Variants in KDM5B observed in about 807,000 individuals in gnomAD.
The protein encoded by KDM5B is lysine demethylase 5B, also known as lysine-specific demethylase 5B.
In KDM5B, 144 loss-of-function variants were observed where a neutral mutation model predicts 193.4. The ratio of observed to expected loss-of-function variants is 0.74; its 90% confidence interval spans 0.65 to 0.86. KDM5B has a LOEUF of 0.86. Ranked by LOEUF, KDM5B falls within the 40% of genes least tolerant of loss-of-function variation. KDM5B has a pLI of 0.00. For missense variants in KDM5B, 1,833 were observed against 1,886.9 expected, an observed-to-expected ratio of 0.97 and a Z score of 0.53; for synonymous variants, 668 against 682.6, an observed-to-expected ratio of 0.98 and a Z score of 0.33.
intron 10 of KDM5B, among the ~76,000 whole-genome samples, chr1:202,755,865 G>A (rs1655988156): frequency 6.6e-6 from 1 of 151,452 alleles, no homozygotes; most frequent in African/African-American, 2.4e-5. Context: ...CCTATTTCTT[G>A]TTTTAGTTAG....
intron 9 of KDM5B, 71 bp from the exon 10 acceptor site, chr1:202,756,587 G>T: frequency 2.5e-6 from 3 of 1,213,882 alleles, no homozygotes; most frequent in Non-Finnish European, 2.2e-6. Context: ...CTCAGTGATG[G>T]GAATCAAAGA....
At chr1:202,736,608 T>G (rs1310839389) in intron 20 of KDM5B, among the ~76,000 whole-genome samples, 1 of 151,972 alleles carries the variant, frequency 6.6e-6, no homozygotes, top group Non-Finnish European at 1.5e-5. Context: ...AGAACCTAGT[T>G]TGGGTCTTTT....
Position 202,804,959 on chromosome 1 carries a change from T to C in KDM5B, c.204+3143A>G, listed in dbSNP as rs561944407. 2.6e-5 allele frequency among the ~76,000 whole-genome samples: 4 copies of C among 151,906 alleles called. No individual in the cohort carries two copies. In the South Asian group the frequency reaches 8.3e-4, roughly 32 times the overall value. The stretch of plus-strand genomic sequence containing the variant: ...AAATAAGTTACTAAAGCCATAAATA[T>C]ATTCCTATCAAAATTTGGGAGACAA... On this transcript the variant is annotated intron_variant, in intron 1 of 26. Transcript: ENST00000367265.
rs572136607 is a variant in KDM5B, at chr1:202,744,235, A to G, written c.2324-1430T>C. ...ACAATCATATGAAAAAAAGCTCAAC[A>G]TCACTGATCATTAGAGAAATGCAAA... On this transcript the variant is annotated intron_variant, in intron 16 of 26. Transcript: ENST00000367265. Among the ~76,000 whole-genome samples the G allele has an allele frequency of 1.8e-3, 278 of 152,340 alleles. 2 individuals are homozygous for G. The highest frequency in any genetic ancestry group is 6.3e-3 in the African/African-American group (261 of 41,588).
intron 23 of KDM5B, among the ~76,000 whole-genome samples, chr1:202,732,751 G>A (rs951335350): frequency 2.6e-5 from 4 of 151,982 alleles, no homozygotes; most frequent in African/African-American, 9.7e-5. Context: ...AAAACCATCA[G>A]ATTAACCTCA....
In KDM5B at chr1:202,750,749, C is replaced by G. The variant is rs764571613; in HGVS notation, c.1731G>C (p.Glu577Asp). Reference protein sequence around the residue: ...PVYRTNQCAGEFVITFPRAYH... With the variant: ...PVYRTNQCAGDFVITFPRAYH... ...AGGCTCTTGGAAATGTAATCACAAA[C>G]TCCCCAGCACACTGATTAGTTCGGT... Residue 577 changes from glutamate (E) to aspartate (D), a missense_variant, in exon 13 of 27, where the codon GAG becomes GAC. By Grantham distance (45) the Glu-to-Asp change is conservative. Coordinates refer to ENST00000367265, the MANE Select transcript of KDM5B (RefSeq NM_006618.5). 2 of 1,614,012 alleles carry G rather than the reference C, an allele frequency of 1.2e-6. No individual in the cohort carries two copies. Among genetic ancestry groups the G allele is most frequent in the Non-Finnish European group, 1.7e-6 (2 of 1,179,912 alleles).
chr1:202,754,015 T>C (rs533684802), intron 11 of KDM5B, among the ~76,000 whole-genome samples: 1 of 152,236 alleles, frequency 6.6e-6, no homozygotes, highest in Non-Finnish European at 1.5e-5. Flanking sequence ...TCAGGATATG[T>C]TGTTATCACA....
chr1:202,787,669 C>T (rs866547060), intron 1 of KDM5B, among the ~76,000 whole-genome samples: 1 of 151,836 alleles, frequency 6.6e-6, no homozygotes, highest in Non-Finnish European at 1.5e-5. Flanking sequence ...AGGCGGATCA[C>T]GAGGTCAGTT....
rs1360545684 is a variant in KDM5B, at chr1:202,736,385, C to T, written c.3092G>A (p.Gly1031Glu). The part of the protein sequence containing the change: ...LQDVEGLQAG[G>E]RVPVLDTLIE... ...GAGTGTGTCTAACACTGGCACACGT[C>T]CTCCAGCCTAATAAGTCAAGAAAAA... is the stretch of plus-strand genomic sequence containing the variant. The change falls in exon 21 of 27, where the codon GGA (glycine) becomes GAA (glutamate). Residue 1031 changes from glycine to glutamate, a missense_variant. By Grantham distance (98) the Gly-to-Glu change is moderately conservative. This residue lies in a region of KDM5B where 1,379 missense variants were observed against 1,349.6 expected (regional missense o/e 1.02). Coordinates refer to ENST00000367265, the MANE Select transcript of KDM5B (RefSeq NM_006618.5). 1 of 1,557,296 alleles carries T rather than the reference C, an allele frequency of 6.4e-7. No individual in the cohort carries two copies. The highest frequency in any genetic ancestry group is 1.4e-5 in the African/African-American group (1 of 73,080).
At chr1:202,767,198 A>C (rs1211393093) in intron 4 of KDM5B, 138 bp from the exon 5 acceptor site, 1 of 1,552,212 alleles carries the variant, frequency 6.4e-7, no homozygotes, top group East Asian at 2.2e-5. Flanking sequence ...AATACTCTTC[A>C]TATCTGTTAA....
chr1:202,791,637 C>G (rs772273976), intron 1 of KDM5B, among the ~76,000 whole-genome samples: 1 of 152,172 alleles, frequency 6.6e-6, no homozygotes, highest in Non-Finnish European at 1.5e-5. Flanking sequence ...CCTTTAACCA[C>G]TCGGTACATA....
At chr1:202,782,092 G>A (rs1657221206) in intron 1 of KDM5B, among the ~76,000 whole-genome samples, 1 of 152,074 alleles carries the variant, frequency 6.6e-6, no homozygotes, top group African/African-American at 2.4e-5. Context: ...TGTCAATAAG[G>A]ATGCTCATAC....
At chr1:202,769,576 G>A (rs1344854174) in intron 4 of KDM5B, among the ~76,000 whole-genome samples, 2 of 148,364 alleles carry the variant, frequency 1.3e-5, no homozygotes, top group African/African-American at 2.5e-5. Context: ...CACTGAGGCA[G>A]GAGAATCGCT....
At chr1:202,774,289 G>A (rs998800746) in intron 3 of KDM5B, among the ~76,000 whole-genome samples, 1 of 152,122 alleles carries the variant, frequency 6.6e-6, no homozygotes, top group Non-Finnish European at 1.5e-5. Context: ...CAGTTACCCA[G>A]GCTGGAGTGC....
At chr1:202,796,626 C>T (rs1305163841) in intron 1 of KDM5B, 3 of 159,916 alleles carry the variant, frequency 1.9e-5, no homozygotes, top group Non-Finnish European at 2.8e-5. Flanking sequence ...GTTTGAGCTC[C>T]GGTGGCTTAG....
intron 18 of KDM5B, among the ~76,000 whole-genome samples, 191 bp downstream of exon 18, chr1:202,742,200 A>G (rs531813728): frequency 7.9e-5 from 12 of 152,280 alleles, no homozygotes; most frequent in Admixed American, 5.2e-4. Context: ...AAAAATTTCC[A>G]ACTTTATTTC....
chr1:202,758,587 T>C (rs1047700844), intron 8 of KDM5B, 77 bp from the exon 9 acceptor site: 24 of 1,259,576 alleles, frequency 1.9e-5, no homozygotes, highest in Middle Eastern at 4.0e-4. Context: ...AGCTGGCAGA[T>C]AAAAAACAAG....
intron 4 of KDM5B, among the ~76,000 whole-genome samples, chr1:202,767,981 A>G (rs1656545373): frequency 1.3e-5 from 2 of 152,228 alleles, no homozygotes; most frequent in Admixed American, 6.5e-5. Context: ...ATAGTTTCAG[A>G]TATAACTAGC....
chr1:202,733,928 T>C (rs780065419), intron 22 of KDM5B, 42 bp from the exon 23 acceptor site: 26 of 1,559,904 alleles, frequency 1.7e-5, no homozygotes, highest in South Asian at 1.4e-4. Flanking sequence ...CCGAGATGGC[T>C]TGGCCTTCCC....
Sources: gnomAD v4.1 joint callset for allele counts (sites outside exome capture counted in the v4.1 genomes callset) on GRCh38, gnomAD v4.1.1 for gene constraint, gnomAD v4.1.1 regional missense constraint, MANE v1.5 for transcripts, NCBI Gene and HGNC (gene_info 2026-07-23, HGNC 2026-07-21) for gene names.